The following CNTN5 variants were observed in gnomAD, a reference collection of about 807,000 sequenced individuals.
The protein encoded by CNTN5 is contactin 5, also known as contactin-5.
Under a neutral mutation model 129.1 loss-of-function variants are expected in CNTN5, and 77 were observed. The ratio of observed to expected loss-of-function variants is 0.60; its 90% CI spans 0.50 to 0.72. The LOEUF (loss-of-function observed/expected upper bound fraction) is 0.72. Among genes scored for constraint, CNTN5 ranks in the 30% least tolerant of loss-of-function variants. The pLI is 0.00. For missense variants in CNTN5, 1,478 were observed against 1,328.8 expected, an observed-to-expected ratio of 1.11 and a Z score of -1.75; for synonymous variants, 509 against 465.6, an observed-to-expected ratio of 1.09 and a Z score of -1.20.
chr11:99,342,571 CAAAAAAAAAAAAAA>C (rs58710723), intron 2 of CNTN5, among the ~76,000 whole-genome samples: 4 of 24,514 alleles, frequency 1.6e-4, no homozygotes, highest in South Asian at 6.3e-3. Context: ...CCCGTTATCT[CAAAAAAAAAAAAAA>C]AAAAAAAAAA....
intron 1 of CNTN5, among the ~76,000 whole-genome samples, chr11:99,252,504 G>GA (rs1313399767): frequency 5.5e-5 from 8 of 146,026 alleles, no homozygotes; most frequent in Admixed American, 4.1e-4. Flanking sequence ...AAAAAAAAAA[G>GA]AAAAAAACAT....
At chr11:100,126,739 C>A (rs541152718) in intron 13 of CNTN5, among the ~76,000 whole-genome samples, 1 of 151,920 alleles carries the variant, frequency 6.6e-6, no homozygotes, top group Non-Finnish European at 1.5e-5. Flanking sequence ...ATACAACTTG[C>A]CATTGTAAGT....
intron 9 of CNTN5, among the ~76,000 whole-genome samples, chr11:100,025,118 G>A (rs1293098132): frequency 6.6e-6 from 1 of 152,202 alleles, no homozygotes; most frequent in East Asian, 1.9e-4. Context: ...GAGGAAAATG[G>A]TTTTGTGGGC....
At chr11:99,524,327 G>A (rs1947403540) in intron 2 of CNTN5, among the ~76,000 whole-genome samples, 1 of 151,786 alleles carries the variant, frequency 6.6e-6, no homozygotes, top group Admixed American at 6.6e-5. Context: ...TTAATTTAAA[G>A]GTATAATAAT....
intron 3 of CNTN5, among the ~76,000 whole-genome samples, chr11:99,697,722 T>C (rs1042629978): frequency 1.3e-5 from 2 of 151,808 alleles, no homozygotes; most frequent in African/African-American, 2.4e-5. Flanking sequence ...TTTACAAATA[T>C]ACCTTAATAT....
chr11:99,754,220 G>T (rs11221231), intron 3 of CNTN5, among the ~76,000 whole-genome samples: 11,202 of 152,162 alleles, frequency 0.074, 540 homozygotes, highest in Non-Finnish European at 0.092. Context: ...ATTAGTGCTG[G>T]TTGTGGTAAG....
chr11:99,045,401 C>T (rs1864165331), intron 1 of CNTN5, among the ~76,000 whole-genome samples: 2 of 152,300 alleles, frequency 1.3e-5, no homozygotes, highest in Admixed American at 6.5e-5. Flanking sequence ...AAATTATGCA[C>T]TCTTTTCTAA....
At chr11:99,640,749 T>C (rs1951740742) in intron 3 of CNTN5, among the ~76,000 whole-genome samples, 1 of 152,214 alleles carries the variant, frequency 6.6e-6, no homozygotes, top group South Asian at 2.1e-4. Context: ...TGTAGTAAGC[T>C]GTACTACCTA....
At position 99,059,783 on chromosome 11, in the gene CNTN5, A is replaced by G. The variant is rs1864798684; in HGVS notation, c.-210+38513A>G. On this transcript the variant is annotated intron_variant, in intron 1 of 24. Coordinates refer to ENST00000524871, the MANE Select transcript of CNTN5 (RefSeq NM_014361.4). ...TCCAGTGTGGTTATTTTCTCTTCTTATTAAGGGATTCTACATATCCCCAAG... is the reference window on the plus strand; with the variant it reads ...TCCAGTGTGGTTATTTTCTCTTCTTGTTAAGGGATTCTACATATCCCCAAG... 2.0e-5 allele frequency among the ~76,000 whole-genome samples: 3 copies of G among 152,050 alleles called. 1 individual carries two copies. The South Asian group carries it at 6.2e-4, about 31-fold the overall frequency.
rs150513250 is a variant in CNTN5, at chr11:99,677,047, C to T, written c.55+120778C>T. 2.5e-3 allele frequency among the ~76,000 whole-genome samples: 386 copies of T among 152,112 alleles called. 2 individuals carry two copies. Among genetic ancestry groups the T allele is most frequent in the African/African-American group, 8.6e-3 (357 of 41,526 alleles). On this transcript the variant is annotated intron_variant, in intron 3 of 24. Coordinates refer to ENST00000524871, the MANE Select transcript of CNTN5 (RefSeq NM_014361.4). ...TATATTTCTATCTCCTACTCAATAA[C>T]TATTTTTAAAATAAAAACGTTCTAA...
intron 8 of CNTN5, among the ~76,000 whole-genome samples, chr11:99,981,098 A>ATG (rs1938313803): frequency 1.6e-5 from 1 of 60,658 alleles, no homozygotes; most frequent in African/African-American, 8.7e-5. Context: ...ATATATATAT[A>ATG]TATATACACA....
At position 99,570,848 on chromosome 11, in the gene CNTN5, T is replaced by G. The variant is rs189477137; in HGVS notation, c.55+14579T>G. On this transcript the variant is annotated intron_variant, in intron 3 of 24. Coordinates refer to ENST00000524871, the MANE Select transcript of CNTN5 (RefSeq NM_014361.4). Reference sequence around the variant, plus strand: ...ACATAGAATGATCAAGTAAGTTCACTCTGAAGAGGTCTCTAAGGAAAAACG... The same window carrying G: ...ACATAGAATGATCAAGTAAGTTCACGCTGAAGAGGTCTCTAAGGAAAAACG... Among the ~76,000 whole-genome samples the G allele has an allele frequency of 3.3e-3, 497 of 152,286 alleles. 1 individual carries two copies. Among genetic ancestry groups the G allele is most frequent in the Admixed American group, 5.2e-3 (80 of 15,298 alleles).
At chr11:100,126,542 T>A (rs1235022405) in intron 13 of CNTN5, among the ~76,000 whole-genome samples, 2 of 45,242 alleles carry the variant, frequency 4.4e-5, no homozygotes, top group African/African-American at 7.7e-5. Context: ...TCCTTCTCTG[T>A]CTTTTTTTTA....
At chr11:100,025,909 G>A (rs555729457) in intron 9 of CNTN5, among the ~76,000 whole-genome samples, 4 of 152,272 alleles carry the variant, frequency 2.6e-5, no homozygotes, top group East Asian at 1.9e-4. Flanking sequence ...TCTCAGATGA[G>A]ACTTTGGACT....
chr11:99,336,041 A>G (rs1866208257), intron 2 of CNTN5, among the ~76,000 whole-genome samples: 1 of 152,178 alleles, frequency 6.6e-6, no homozygotes, highest in Non-Finnish European at 1.5e-5. Flanking sequence ...CTTGGATAAA[A>G]AAAAAAACTT....
intron 2 of CNTN5, among the ~76,000 whole-genome samples, chr11:99,541,101 G>GT (rs749771085): frequency 2.6e-4 from 40 of 152,056 alleles, no homozygotes; most frequent in Non-Finnish European, 4.7e-4. Context: ...ATGAAGAATC[G>GT]TAACAACTCC....
intron 2 of CNTN5, among the ~76,000 whole-genome samples, chr11:99,326,032 G>T (rs11600269): frequency 6.6e-6 from 1 of 152,052 alleles, no homozygotes; most frequent in East Asian, 1.9e-4. Context: ...CAACAGCTCC[G>T]CATTCTTACA....
rs995904469 is a variant in CNTN5 at position 99,427,774 on chromosome 11, A to G, written c.-71+102290A>G. Among the ~76,000 whole-genome samples the G allele has an allele frequency of 3.6e-4, 55 of 150,848 alleles. No individual in the cohort carries two copies. In the East Asian group the frequency reaches 5.4e-3, roughly 15 times the overall value. ...CAGCAAGACTCAGTCTCAAAAAAAA[A>G]AAAAAAAAAAAAAAAAAAGTTAAAA... On this transcript the variant is annotated intron_variant, in intron 2 of 24. Coordinates refer to ENST00000524871, the MANE Select transcript of CNTN5 (RefSeq NM_014361.4).
At chr11:99,161,893 T>C (rs1003349216) in intron 1 of CNTN5, among the ~76,000 whole-genome samples, 6 of 152,190 alleles carry the variant, frequency 3.9e-5, no homozygotes, top group Non-Finnish European at 8.8e-5. Flanking sequence ...GCTATTCTCC[T>C]CATCACTCTT....
Sources: allele counts gnomAD v4.1 joint callset (sites outside exome capture counted in the v4.1 genomes callset), GRCh38; gene constraint gnomAD v4.1.1; transcripts MANE v1.5; gene names NCBI Gene and HGNC (gene_info 2026-07-23, HGNC 2026-07-21).